ATP2A2: variants seen among roughly 807,000 people sequenced by gnomAD.
ATP2A2 encodes sarcoplasmic/endoplasmic reticulum calcium ATPase 2.
Under a neutral mutation model 109.3 loss-of-function variants are expected in ATP2A2, and 14 were observed. The observed-to-expected ratio is 0.13, with a 90% CI of 0.08 to 0.20. ATP2A2 has a LOEUF of 0.20. Ranked by LOEUF, ATP2A2 falls within the 10% of genes least tolerant of loss-of-function variation. The pLI is 1.00. For synonymous variants in ATP2A2, 506 were observed against 490.9 expected (o/e 1.03, Z -0.41); for missense variants, 657 against 1,321.6 (o/e 0.50, Z 7.80).
At chr12:110,345,088 C>G in intron 17 of ATP2A2, 117 bp downstream of exon 17, 1 of 1,487,906 alleles carries the variant, frequency 6.7e-7, no homozygotes, top group South Asian at 1.1e-5. Context: ...ACAGTTACAT[C>G]TAAGATGATT....
intron 4 of ATP2A2, among the ~76,000 whole-genome samples, chr12:110,293,826 A>ATGTGTGTGTGTGTGTGTGTG (rs59260681): frequency 1.4e-4 from 15 of 108,588 alleles, no homozygotes; most frequent in African/African-American, 5.9e-4. Flanking sequence ...TGCCATATAT[A>ATGTGTGTGTGTGTGTGTGTG]TGTGTGTGTG....
intron 4 of ATP2A2, 199 bp from the exon 5 acceptor site, chr12:110,296,400 G>A (rs1873965306): frequency 1.5e-6 from 1 of 652,896 alleles, no homozygotes; most frequent in Non-Finnish European, 2.6e-6. Context: ...TTAATTGAGG[G>A]TACTTAACGT....
At position 110,340,862 on chromosome 12, in the gene ATP2A2, G is replaced by A. The variant is rs1592861262; in HGVS notation, c.1965G>A (p.Arg655=). 1 of 1,614,204 alleles carries A rather than the reference G, an allele frequency of 6.2e-7. No homozygotes were observed. The highest frequency in any genetic ancestry group is 8.5e-7 in the Non-Finnish European group (1 of 1,180,044). ...TGACGTCAAAAGCTTTCACAGGCCG[G>A]GAGTTTGATGAACTCAACCCCTCCG... ...EDVTSKAFTG[R]EFDELNPSAQ... The change falls in exon 14 of 20, where the codon CGG becomes CGA. Residue 655 remains arginine (R), a synonymous_variant. Transcript: ENST00000539276. This position sits in a 1 kb window ranked among gnomAD's most constrained non-coding sequence, Gnocchi z 6.0.
Position 110,340,956 on chromosome 12 carries a change from G to A in ATP2A2, c.2059G>A (p.Val687Ile), listed in dbSNP as rs773326317. Reference sequence around the variant, plus strand: ...TGAACCCTCCCACAAGTCTAAAATCGTAGAATTTCTTCAGTCTTTTGATGA... The same window carrying A: ...TGAACCCTCCCACAAGTCTAAAATCATAGAATTTCTTCAGTCTTTTGATGA... Reference protein sequence around the residue: ...RVEPSHKSKIVEFLQSFDEIT... With the variant: ...RVEPSHKSKIIEFLQSFDEIT... The change falls in exon 14 of 20, where the codon GTA becomes ATA. Residue 687 changes from valine (V) to isoleucine (I), a missense_variant. Around this residue, in one of 9 missense-constraint regions of ATP2A2, gnomAD observed 50 missense variants for 176.9 expected, o/e 0.28. Coordinates refer to ENST00000539276, the MANE Select transcript of ATP2A2 (RefSeq NM_170665.4). The surrounding 1 kb of genome is among the most constrained non-coding windows in gnomAD (Gnocchi z 6.0). The A allele has an allele frequency of 9.3e-6, 15 of 1,614,070 alleles. No homozygotes were observed. Among genetic ancestry groups the A allele is most frequent in the Admixed American group, 6.7e-5 (4 of 60,006 alleles).
At chr12:110,290,392 A>G (rs2137697228) in intron 3 of ATP2A2, among the ~76,000 whole-genome samples, 1 of 152,360 alleles carries the variant, frequency 6.6e-6, no homozygotes, top group Middle Eastern at 3.4e-3. Flanking sequence ...AGTTGTTTAT[A>G]CTGTGGATTT....
In ATP2A2 at chr12:110,346,654, ATAAT is replaced by A. The variant is rs1879894468; in HGVS notation, c.*188_*191del. On this transcript the variant is annotated 3_prime_UTR_variant, in exon 20 of 20. Coordinates refer to ENST00000539276, the MANE Select transcript of ATP2A2 (RefSeq NM_170665.4). ...GGCAAGATTTTCCTTTTTTATACAC[ATAAT>A]TAAAGTGTCCATTGACATGTACAGA... is the stretch of plus-strand genomic sequence containing the variant. The A allele has an allele frequency of 4.8e-6, 7 of 1,455,386 alleles. No homozygotes were observed. In the Admixed American group the frequency reaches 1.1e-4, roughly 23 times the overall value. The allele number at this position is 1,455,386 out of a possible 1,614,324, so 90.2% of individuals were successfully genotyped here.
chr12:110,328,332 A>C (rs1360691445), intron 8 of ATP2A2, among the ~76,000 whole-genome samples: 1 of 151,778 alleles, frequency 6.6e-6, no homozygotes, highest in Non-Finnish European at 1.5e-5. Flanking sequence ...GCACTTTGAG[A>C]GGCCGAGGCG....
chr12:110,310,663 A>T (rs1371294692), intron 5 of ATP2A2, among the ~76,000 whole-genome samples: 8 of 152,230 alleles, frequency 5.3e-5, no homozygotes, highest in Non-Finnish European at 2.9e-5. Flanking sequence ...CAATCTTAAA[A>T]TTGCATTTGC....
chr12:110,315,798 G>A (rs972785665), intron 5 of ATP2A2, among the ~76,000 whole-genome samples: 3 of 152,288 alleles, frequency 2.0e-5, no homozygotes, highest in Admixed American at 2.0e-4. Context: ...AAACTTAGCC[G>A]GCCGCATCGG....
chr12:110,341,290 T>C (rs984481309), intron 14 of ATP2A2, among the ~76,000 whole-genome samples: 1 of 152,134 alleles, frequency 6.6e-6, no homozygotes, highest in Admixed American at 6.5e-5. Context: ...TTCTGAAAAT[T>C]GAGGATGTAA....
intron 5 of ATP2A2, among the ~76,000 whole-genome samples, chr12:110,302,530 G>A (rs1041400866): frequency 1.2e-4 from 18 of 151,624 alleles, no homozygotes; most frequent in Admixed American, 3.3e-4. Context: ...GCTAAAAAGC[G>A]TATATATTGC....
upstream of ATP2A2, chr12:110,280,968 G>T (rs912541079): frequency 6.6e-6 from 1 of 152,172 alleles, no homozygotes; most frequent in African/African-American, 2.4e-5. Flanking sequence ...TCTGCAGGTG[G>T]GTGGGTCAGA....
chr12:110,340,937 C>G lies in ATP2A2; in HGVS notation c.2040C>G (p.Pro680=). Residue 680 remains proline, a synonymous_variant, in exon 14 of 20, where the codon CCC becomes CCG. Coordinates refer to ENST00000539276, the MANE Select transcript of ATP2A2 (RefSeq NM_170665.4). This position sits in a 1 kb window ranked among gnomAD's most constrained non-coding sequence, Gnocchi z 6.0. ...LNARCFARVE[P]SHKSKIVEFL... ...CCCGCTGTTTTGCTCGAGTTGAACC[C>G]TCCCACAAGTCTAAAATCGTAGAAT... The G allele has an allele frequency of 1.2e-6, 2 of 1,614,222 alleles. No homozygotes were observed. The highest frequency in any genetic ancestry group is 2.2e-5 in the East Asian group (1 of 44,884).
At chr12:110,302,669 G>A (rs574501757) in intron 5 of ATP2A2, among the ~76,000 whole-genome samples, 2 of 151,768 alleles carry the variant, frequency 1.3e-5, no homozygotes, top group East Asian at 1.9e-4. Context: ...GCGTGATCTC[G>A]GTTCACTGCA....
chr12:110,321,611 T>C (rs1464322675), intron 5 of ATP2A2, among the ~76,000 whole-genome samples: 1 of 152,186 alleles, frequency 6.6e-6, no homozygotes, highest in Admixed American at 6.5e-5. Context: ...TTTTTTATAT[T>C]TTTAGTAGAG....
intron 16 of ATP2A2, 66 bp from the exon 17 acceptor site, chr12:110,344,820 G>A: frequency 6.7e-7 from 1 of 1,499,206 alleles, no homozygotes. Flanking sequence ...GGACTGGCCT[G>A]CATGGCCTCG....
chr12:110,284,208 A>G (rs1267722159), intron 3 of ATP2A2, among the ~76,000 whole-genome samples: 1 of 152,226 alleles, frequency 6.6e-6, no homozygotes, highest in Admixed American at 6.5e-5. Context: ...CTGCTGTTTT[A>G]CCAATTAAGG....
rs774022790 is a variant in ATP2A2, at chr12:110,282,807, A to T, written c.219+12A>T. The T allele has an allele frequency of 1.2e-6, 2 of 1,604,162 alleles. No individual in the cohort carries two copies. The highest frequency in any genetic ancestry group is 8.5e-7 in the Non-Finnish European group (1 of 1,172,170). Reference sequence around the variant, plus strand: ...CATGTATATCTTTTGTAAGTATAAAAAAATTTATTTTCTTTCCCCCCAAAA... The same window carrying T: ...CATGTATATCTTTTGTAAGTATAAATAAATTTATTTTCTTTCCCCCCAAAA... On this transcript the variant is annotated intron_variant, in intron 3 of 19. Coordinates refer to ENST00000539276, the MANE Select transcript of ATP2A2 (RefSeq NM_170665.4).
chr12:110,341,861 C>T (rs1879390454), intron 14 of ATP2A2, among the ~76,000 whole-genome samples: 1 of 152,174 alleles, frequency 6.6e-6, no homozygotes, highest in Admixed American at 6.5e-5. Context: ...GAGCGGGACT[C>T]CATCTCAGAA....
Sources: allele counts gnomAD v4.1 joint callset (sites outside exome capture counted in the v4.1 genomes callset), GRCh38; gene constraint gnomAD v4.1.1; regional missense constraint gnomAD v4.1.1; non-coding constraint Gnocchi (gnomAD v3.1); transcripts MANE v1.5; gene names NCBI Gene and HGNC (gene_info 2026-07-23, HGNC 2026-07-21).